Variants in STK10 observed in about 807,000 individuals in gnomAD.
STK10 encodes serine/threonine kinase 10.
Under a neutral mutation model 113.8 loss-of-function variants are expected in STK10, and 78 were observed. That is an observed-to-expected ratio of 0.69 (90% CI 0.57 to 0.83). The LOEUF (loss-of-function observed/expected upper bound fraction) is 0.83, where lower values mean the gene tolerates loss of function less well. STK10 is among the 40% of genes least tolerant of loss of function. STK10 has a pLI of 0.00. For synonymous variants in STK10, 465 were observed against 494.7 expected, an observed-to-expected ratio of 0.94 and a Z score of 0.80; for missense variants, 1,109 against 1,280.1, an observed-to-expected ratio of 0.87 and a Z score of 2.04.
intron 1 of STK10, among the ~76,000 whole-genome samples, chr5:172,161,920 C>T (rs1417517135): frequency 6.6e-6 from 1 of 152,154 alleles, no homozygotes; most frequent in African/African-American, 2.4e-5. Flanking sequence ...CCACACTGGG[C>T]CCAGGAGCCC....
chr5:172,156,847 G>A, intron 1 of STK10, 59 bp from the exon 2 acceptor site: 1 of 1,565,592 alleles, frequency 6.4e-7, no homozygotes, highest in Admixed American at 1.8e-5. Context: ...CTGACCTTTG[G>A]ACGTGAGCCC....
intron 2 of STK10, among the ~76,000 whole-genome samples, chr5:172,150,447 C>T (rs987490235): frequency 1.3e-5 from 2 of 149,616 alleles, no homozygotes; most frequent in Non-Finnish European, 3.0e-5. Flanking sequence ...CGCCACTGCA[C>T]TCCAGCCTGG....
At position 172,073,748 on chromosome 5, in the gene STK10, A is replaced by T. The variant is rs578062181; in HGVS notation, c.1989+8578T>A. Among the ~76,000 whole-genome samples the T allele has an allele frequency of 6.2e-5, 9 of 144,512 alleles. No homozygotes were observed. The Admixed American group carries it at 6.4e-4, about 10-fold the overall frequency. 94.8% of individuals were successfully genotyped at this position (144,512 alleles called of 152,430 possible). On this transcript the variant is annotated intron_variant, in intron 12 of 18. Transcript: ENST00000176763. ...GATAATTTGAGGTCAGAAGTTCCAGACCAGCTTGGCCAACATGGTGAAACC... is the reference window on the plus strand; with the variant it reads ...GATAATTTGAGGTCAGAAGTTCCAGTCCAGCTTGGCCAACATGGTGAAACC...
At chr5:172,110,349 T>A (rs1269312714) in intron 4 of STK10, among the ~76,000 whole-genome samples, 1 of 152,176 alleles carries the variant, frequency 6.6e-6, no homozygotes, top group South Asian at 2.1e-4. Flanking sequence ...ACATCTATTA[T>A]GTGCCCGACA....
intron 1 of STK10, among the ~76,000 whole-genome samples, chr5:172,164,435 C>T (rs1770528287): frequency 6.6e-6 from 1 of 152,254 alleles, no homozygotes; most frequent in East Asian, 1.9e-4. Flanking sequence ...CTTCAATTAA[C>T]TTTTACAACT....
At chr5:172,118,525 G>A (rs12332096) in intron 3 of STK10, among the ~76,000 whole-genome samples, 39,605 of 151,920 alleles carry the variant, frequency 0.26, 5,531 homozygotes, top group African/African-American at 0.38. Context: ...TAGGTGGGGC[G>A]AGGGCACTCT....
chr5:172,108,613 CAAAAAAAAA>C (rs1184891478), intron 4 of STK10, among the ~76,000 whole-genome samples: 1 of 64,888 alleles, frequency 1.5e-5, no homozygotes, highest in Non-Finnish European at 3.3e-5. Flanking sequence ...GAGACTGTCT[CAAAAAAAAA>C]AAAAAAAAAA....
chr5:172,098,258 G>C (rs185112936), intron 7 of STK10, among the ~76,000 whole-genome samples: 7 of 152,290 alleles, frequency 4.6e-5, no homozygotes, highest in Admixed American at 1.3e-4. Context: ...GGCCGGGCGC[G>C]GTGGCTCAAA....
chr5:172,138,290 T>C (rs1769908896), intron 2 of STK10, among the ~76,000 whole-genome samples: 1 of 151,946 alleles, frequency 6.6e-6, no homozygotes. Flanking sequence ...CCTGGCTAAT[T>C]TTTTTGTATT....
intron 2 of STK10, among the ~76,000 whole-genome samples, chr5:172,142,297 T>C (rs1168218550): frequency 1.3e-5 from 2 of 152,200 alleles, no homozygotes; most frequent in Non-Finnish European, 1.5e-5. Flanking sequence ...CTGACAGAGC[T>C]AGGATTTTAA....
intron 4 of STK10, among the ~76,000 whole-genome samples, chr5:172,109,859 C>A (rs988229023): frequency 6.6e-6 from 1 of 152,344 alleles, no homozygotes; most frequent in Non-Finnish European, 1.5e-5. Context: ...TGCCTTTGGA[C>A]GATTCATCCC....
At chr5:172,158,980 G>A (rs1189511384) in intron 1 of STK10, among the ~76,000 whole-genome samples, 1 of 152,168 alleles carries the variant, frequency 6.6e-6, no homozygotes, top group East Asian at 1.9e-4. Flanking sequence ...CTACACAGCT[G>A]TGAACTGATT....
At chr5:172,149,645 G>A (rs1420363568) in intron 2 of STK10, among the ~76,000 whole-genome samples, 1 of 152,030 alleles carries the variant, frequency 6.6e-6, no homozygotes, top group African/African-American at 2.4e-5. Flanking sequence ...AAGGGTTCTG[G>A]CACCCAAAAC....
intron 7 of STK10, among the ~76,000 whole-genome samples, chr5:172,098,740 C>G (rs1011343631): frequency 6.6e-5 from 10 of 152,188 alleles, no homozygotes; most frequent in African/African-American, 4.8e-5. Flanking sequence ...CTGGTAAAAT[C>G]CAGCTTCCAC....
rs145589951 is a variant in STK10 at position 172,133,090 on chromosome 5, G to A, written c.322-5669C>T. On this transcript the variant is annotated intron_variant, in intron 2 of 18. Transcript: ENST00000176763. The surrounding 1 kb of genome is among the most constrained non-coding windows in gnomAD (Gnocchi z 4.9). Reference sequence around the variant, plus strand: ...GAAAAGCGTGGAAGCGGGTAATGGCGGAGCATTCCATGGGGTTCCAAAGGA... The same window carrying A: ...GAAAAGCGTGGAAGCGGGTAATGGCAGAGCATTCCATGGGGTTCCAAAGGA... Among the ~76,000 whole-genome samples, 554 of 152,316 alleles carry A rather than the reference G, an allele frequency of 3.6e-3. 1 individual carries two copies. Among genetic ancestry groups the A allele is most frequent in the Non-Finnish European group, 5.9e-3 (404 of 68,022 alleles).
intron 18 of STK10, among the ~76,000 whole-genome samples, chr5:172,048,399 C>T (rs1767540776): frequency 1.6e-5 from 2 of 123,454 alleles, no homozygotes; most frequent in South Asian, 4.7e-4. Flanking sequence ...AAATCAATTT[C>T]CCTCTCCCTC....
At chr5:172,123,416 T>A (rs901913295) in intron 3 of STK10, among the ~76,000 whole-genome samples, 20 of 151,984 alleles carry the variant, frequency 1.3e-4, no homozygotes, top group African/African-American at 4.4e-4. Flanking sequence ...CAGAGAAGGG[T>A]TTGTCTGCTG....
At chr5:172,142,525 T>C (rs987557034) in intron 2 of STK10, among the ~76,000 whole-genome samples, 1 of 152,178 alleles carries the variant, frequency 6.6e-6, no homozygotes, top group South Asian at 2.1e-4. Flanking sequence ...CGACACCTAA[T>C]GCAATTTGAG....
rs931284669 is a variant in STK10 at position 172,106,730 on chromosome 5, C to T, written c.678G>A (p.Thr226=). The change falls in exon 6 of 19, where the codon ACG becomes ACA. Residue 226 remains threonine (T), a synonymous_variant. Transcript: ENST00000176763. Reference sequence around the variant, plus strand: ...GCTCGATCTGGGCCATCTCAATCAGCGTGATGCCCAGGGACCAGATGTCGG... The same window carrying T: ...GCTCGATCTGGGCCATCTCAATCAGTGTGATGCCCAGGGACCAGATGTCGG... ...YKADIWSLGI[T]LIEMAQIEPP... is the part of the protein sequence containing the mutation. 3.1e-6 allele frequency: 5 copies of T among 1,614,048 alleles called. No homozygotes were observed. Among genetic ancestry groups the T allele is most frequent in the Admixed American group, 3.3e-5 (2 of 60,004 alleles).
Sources: gnomAD v4.1 joint callset for allele counts (sites outside exome capture counted in the v4.1 genomes callset) on GRCh38, gnomAD v4.1.1 for gene constraint, Gnocchi (gnomAD v3.1) non-coding constraint, MANE v1.5 for transcripts, NCBI Gene and HGNC (gene_info 2026-07-23, HGNC 2026-07-21) for gene names.